The following TULP4 variants were observed in gnomAD, a reference collection of about 807,000 sequenced individuals.
TULP4 encodes tubby-related protein 4.
Under a neutral mutation model 129.0 loss-of-function variants are expected in TULP4, and 16 were observed. The ratio of observed to expected loss-of-function variants is 0.12; its 90% CI spans 0.08 to 0.19. The LOEUF is 0.19. TULP4 is among the 10% of genes least tolerant of loss of function. The pLI is 1.00. For missense variants in TULP4, 1,842 were observed against 2,059.1 expected (o/e 0.89, Z 2.04); for synonymous variants, 998 against 854.0 (o/e 1.17, Z -2.94).
At chr6:158,309,946 G>GAGGGAGAGGGAT (rs1779313255), upstream of TULP4, among the ~76,000 whole-genome samples, 1 of 147,846 alleles carries the variant, frequency 6.8e-6, no homozygotes, top group Admixed American at 6.8e-5. Context: ...GGGAGAGGGA[G>GAGGGAGAGGGAT]CTCAGTTTTT....
At chr6:158,249,518 T>C (rs916868536) in intron 1 of TULP4, among the ~76,000 whole-genome samples, 3 of 152,212 alleles carry the variant, frequency 2.0e-5, no homozygotes, top group African/African-American at 7.2e-5. Context: ...TAGTGTAGGA[T>C]TGGGATGCTG....
At chr6:158,480,007 C>G (rs772352086) in intron 7 of TULP4, 32 bp downstream of exon 7, 8 of 1,525,992 alleles carry the variant, frequency 5.2e-6, no homozygotes, top group Non-Finnish European at 7.1e-6. Flanking sequence ...TCTTCCTCCT[C>G]CCTCACCTGT....
In TULP4 at chr6:158,313,269, G is replaced by A. The variant is rs755912006; in HGVS notation, c.-748G>A. Reference sequence around the variant, plus strand: ...AGTCCGATGGAGCCCTGCGTTCCCCGGGGACACAGGGCCAAGCTTTGAGGT... The same window carrying A: ...AGTCCGATGGAGCCCTGCGTTCCCCAGGGACACAGGGCCAAGCTTTGAGGT... On this transcript the variant is annotated 5_prime_UTR_variant, in exon 1 of 14. Transcript: ENST00000367097. 16 of 378,414 alleles carry A rather than the reference G, an allele frequency of 4.2e-5. No homozygotes were observed. Among genetic ancestry groups the A allele is most frequent in the Admixed American group, 9.0e-5 (2 of 22,106 alleles). The allele number at this position is 378,414 out of a possible 1,614,324, so 23.4% of individuals were successfully genotyped here.
intron 2 of TULP4, among the ~76,000 whole-genome samples, chr6:158,419,286 T>C (rs1248627917): frequency 6.6e-6 from 1 of 152,246 alleles, no homozygotes; most frequent in African/African-American, 2.4e-5. Flanking sequence ...TTGGTGTTTG[T>C]TCATTTATTT....
intron 1 of TULP4, among the ~76,000 whole-genome samples, chr6:158,380,754 C>G (rs1777302582): frequency 6.6e-6 from 1 of 151,810 alleles, no homozygotes; most frequent in Non-Finnish European, 1.5e-5. Context: ...ATTAGCCAGG[C>G]ATGGTGGAAC....
intron 1 of TULP4, among the ~76,000 whole-genome samples, chr6:158,375,120 G>C (rs759738707): frequency 4.2e-4 from 64 of 152,202 alleles, no homozygotes; most frequent in Non-Finnish European, 5.3e-4. Flanking sequence ...GTGGGTGCCT[G>C]TAGTCCCAGC....
At chr6:158,402,890 T>G (rs898798280) in intron 1 of TULP4, among the ~76,000 whole-genome samples, 2 of 51,652 alleles carry the variant, frequency 3.9e-5, no homozygotes, top group Non-Finnish European at 9.7e-5. Flanking sequence ...CTTTGGGAGT[T>G]TTTTTTTTTT....
chr6:158,428,220 GC>G (rs899506749), intron 2 of TULP4: 3 of 152,148 alleles, frequency 2.0e-5, no homozygotes, highest in African/African-American at 7.2e-5. Context: ...GATTTGGCAG[GC>G]TTGTCTACCA....
chr6:158,332,181 AAAAAAAAAAAAAAAAAAAAATATATAT>A (rs1353062642), intron 1 of TULP4, among the ~76,000 whole-genome samples: 8,330 of 77,190 alleles, frequency 0.11, 455 homozygotes, highest in South Asian at 0.19. Flanking sequence ...AAAAAAAAAA[AAAAAAAAAAAAAAAAAAAAATATATAT>A]ATATATATAT....
At chr6:158,443,303 G>A (rs1385436303) in intron 3 of TULP4, among the ~76,000 whole-genome samples, 1 of 151,934 alleles carries the variant, frequency 6.6e-6, no homozygotes, top group Non-Finnish European at 1.5e-5. Flanking sequence ...TTTTAGTAGA[G>A]ATGGGGTTTC....
At chr6:158,308,060 G>T (rs1457070180), upstream of TULP4, among the ~76,000 whole-genome samples, 7 of 146,358 alleles carry the variant, frequency 4.8e-5, no homozygotes, top group Admixed American at 4.8e-4. Context: ...GGGGGATTTG[G>T]CAGGGTCATG....
chr6:158,298,868 G>T (rs1034504866), intron 1 of TULP4, among the ~76,000 whole-genome samples: 1 of 152,184 alleles, frequency 6.6e-6, no homozygotes, highest in Non-Finnish European at 1.5e-5. Context: ...CGGGGATGCC[G>T]AACAGGTAGA....
intron 1 of TULP4, among the ~76,000 whole-genome samples, chr6:158,346,703 A>G (rs1032879875): frequency 2.0e-5 from 3 of 152,190 alleles, no homozygotes; most frequent in African/African-American, 7.2e-5. Context: ...AGAGTATTTA[A>G]TGATTTAAGA....
intron 1 of TULP4, among the ~76,000 whole-genome samples, chr6:158,365,516 G>A (rs1198264432): frequency 1.5e-5 from 2 of 130,010 alleles, no homozygotes; most frequent in South Asian, 2.4e-4. Flanking sequence ...TTGCTCTGTT[G>A]CCCAGGCTGG....
At chr6:158,262,117 C>G (rs1385728580) in intron 1 of TULP4, among the ~76,000 whole-genome samples, 1 of 152,212 alleles carries the variant, frequency 6.6e-6, no homozygotes, top group Non-Finnish European at 1.5e-5. Context: ...CTGGCAGTCT[C>G]TGCCTTGGTG....
At chr6:158,477,708 A>C (rs190740923) in intron 6 of TULP4, among the ~76,000 whole-genome samples, 43 of 152,350 alleles carry the variant, frequency 2.8e-4, no homozygotes, top group African/African-American at 9.9e-4. Context: ...CAGTGTGGCA[A>C]TTCCTCAAAG....
intron 3 of TULP4, among the ~76,000 whole-genome samples, chr6:158,443,982 G>GCCGA (rs1778959473): frequency 6.6e-6 from 1 of 151,920 alleles, no homozygotes; most frequent in Admixed American, 6.6e-5. Flanking sequence ...CACTTTGGGG[G>GCCGA]GCCAGGGTGG....
intron 1 of TULP4, among the ~76,000 whole-genome samples, chr6:158,341,829 T>C (rs1454887325): frequency 6.6e-6 from 1 of 152,204 alleles, no homozygotes; most frequent in Non-Finnish European, 1.5e-5. Flanking sequence ...GTCAGATGGG[T>C]GGTTTGCAAA....
At chr6:158,430,929 CTTTT>C (rs912707446) in intron 3 of TULP4, among the ~76,000 whole-genome samples, 1 of 151,806 alleles carries the variant, frequency 6.6e-6, no homozygotes, top group African/African-American at 2.4e-5. Flanking sequence ...TTTTGAGCCA[CTTTT>C]TTTTAACTGA....
Sources: gnomAD v4.1 joint callset for allele counts (sites outside exome capture counted in the v4.1 genomes callset) on GRCh38, gnomAD v4.1.1 for gene constraint, MANE v1.5 for transcripts, NCBI Gene and HGNC (gene_info 2026-07-23, HGNC 2026-07-21) for gene names.